Variants in REPS2 observed in about 807,000 individuals in gnomAD.
REPS2 encodes the protein RALBP1 associated Eps domain containing 2.
A neutral mutation model predicts 53.6 loss-of-function variants in REPS2; 23 were observed. That is an observed-to-expected ratio of 0.43 (90% CI 0.31 to 0.61). REPS2 has a LOEUF of 0.61. REPS2 is among the 20% of genes least tolerant of loss of function. REPS2 has a pLI of 0.11. For synonymous variants in REPS2, 238 were observed against 218.6 expected (o/e 1.09, Z -0.78); for missense variants, 446 against 534.9 (o/e 0.83, Z 1.64).
chrX:17,118,181 G>A (rs938516616), intron 14 of REPS2, among the ~76,000 whole-genome samples: 15 of 106,944 alleles, frequency 1.4e-4, no homozygotes, highest in Non-Finnish European at 2.5e-4. Flanking sequence ...GGATGGTCTC[G>A]ATCTCCTGAC....
intron 11 of REPS2, 140 bp downstream of exon 11, chrX:17,070,133 G>A (rs1055434868): frequency 1.9e-5 from 6 of 323,838 alleles, no homozygotes; most frequent in African/African-American, 1.6e-4. Flanking sequence ...TTTATTACAA[G>A]GAAACCTTTT....
chrX:17,110,344 A>T (rs1229597381), intron 14 of REPS2, among the ~76,000 whole-genome samples: 26 of 96,544 alleles, frequency 2.7e-4, no homozygotes, highest in Non-Finnish European at 4.6e-4. Context: ...TATCTACGTT[A>T]CACTTACCTA....
intron 1 of REPS2, among the ~76,000 whole-genome samples, chrX:17,005,420 A>G (rs373701216): frequency 8.9e-6 from 1 of 112,106 alleles, no homozygotes; most frequent in African/African-American, 3.2e-5. Context: ...CCAAACTTCA[A>G]CAATTACTAA....
Position 17,138,958 on chromosome X carries a change from C to G in REPS2, c.1911C>G (p.Leu637=), listed in dbSNP as rs1257904967. 8.6e-7 allele frequency: 1 copy of G among 1,168,822 alleles called. No homozygotes were observed. The highest frequency in any genetic ancestry group is 1.1e-6 in the Non-Finnish European group (1 of 871,094). Residue 637 remains leucine (L), a synonymous_variant, in exon 17 of 18, where the codon CTC becomes CTG. Transcript: ENST00000357277. The part of the protein sequence containing the change: ...ARLNSELQQQ[L]KEVHQERIAL... ...TGAACAGTGAGCTCCAGCAGCAGCT[C>G]AAGGTAAGGAATGAGTCCCAGATTT...
At chrX:17,104,482 C>T (rs1418364772) in intron 14 of REPS2, among the ~76,000 whole-genome samples, 1 of 111,582 alleles carries the variant, frequency 9.0e-6, no homozygotes, top group Non-Finnish European at 1.9e-5. Flanking sequence ...AAGACCCTTT[C>T]TGATTTTTGG....
At chrX:17,044,992 C>T (rs1479786985) in intron 5 of REPS2, among the ~76,000 whole-genome samples, 5 of 111,598 alleles carry the variant, frequency 4.5e-5, no homozygotes, top group African/African-American at 1.3e-4. Flanking sequence ...TGCAATGGCG[C>T]GATCTCGGCT....
intron 14 of REPS2, among the ~76,000 whole-genome samples, chrX:17,104,839 C>T (rs979198675): frequency 3.6e-5 from 4 of 111,714 alleles, no homozygotes; most frequent in African/African-American, 1.3e-4. Flanking sequence ...TATTGAGTCC[C>T]TGCTGTATAT....
chrX:17,046,534 C>A (rs999207108), intron 5 of REPS2, among the ~76,000 whole-genome samples: 2 of 111,604 alleles, frequency 1.8e-5, no homozygotes, highest in Non-Finnish European at 3.8e-5. Flanking sequence ...TTGGCAAGTA[C>A]CTCTTTAGTC....
At chrX:17,083,559 C>T (rs1399716734) in intron 13 of REPS2, among the ~76,000 whole-genome samples, 3 of 111,391 alleles carry the variant, frequency 2.7e-5, no homozygotes, top group South Asian at 3.8e-4. Context: ...TATTGAGTGG[C>T]GAATTGAGAA....
At position 17,149,070 on chromosome X, in the gene REPS2, T is replaced by C; in HGVS notation, c.*1589T>C. ...TTTTTTCCACAGAAAAACAAATTGT[T>C]GAATCTATTCCGTGCATATTTAAGG... On this transcript the variant is annotated 3_prime_UTR_variant, in exon 18 of 18. Coordinates refer to ENST00000357277, the MANE Select transcript of REPS2 (RefSeq NM_004726.3). 1 of 352,898 alleles carries C rather than the reference T, an allele frequency of 2.8e-6. No individual in the cohort carries two copies. The highest frequency in any genetic ancestry group is 5.5e-6 in the Non-Finnish European group (1 of 181,991). The allele number at this position is 352,898 out of a possible 1,213,427, so 29.1% of individuals were successfully genotyped here.
intron 2 of REPS2, among the ~76,000 whole-genome samples, chrX:17,020,437 T>C (rs762752382): frequency 9.0e-6 from 1 of 111,703 alleles, no homozygotes; most frequent in South Asian, 3.7e-4. Context: ...ACCAAAACCA[T>C]AGAGTTAGCT....
intron 1 of REPS2, among the ~76,000 whole-genome samples, chrX:16,998,711 G>T (rs1420896165): frequency 8.9e-6 from 1 of 111,754 alleles, no homozygotes; most frequent in African/African-American, 3.3e-5. Flanking sequence ...CAAGACACAC[G>T]TAGTACTAGC....
At chrX:17,099,948 G>A in intron 13 of REPS2, 1 of 1,147,932 alleles carries the variant, frequency 8.7e-7, no homozygotes, top group African/African-American at 1.8e-5. Context: ...GGAGTCTGTA[G>A]CTCCAATAAT....
intron 1 of REPS2, among the ~76,000 whole-genome samples, chrX:16,961,879 G>T (rs1040478545): frequency 2.7e-5 from 3 of 112,145 alleles, no homozygotes; most frequent in African/African-American, 9.7e-5. Context: ...TGGCCAGCAG[G>T]TTGTGAAAAG....
intron 1 of REPS2, among the ~76,000 whole-genome samples, chrX:16,972,316 G>A (rs893575367): frequency 8.9e-6 from 1 of 112,379 alleles, no homozygotes; most frequent in Non-Finnish European, 1.9e-5. Flanking sequence ...TTCTAAATGT[G>A]AGGAATTTTT....
At chrX:16,965,638 C>T (rs753368166) in intron 1 of REPS2, among the ~76,000 whole-genome samples, 2 of 112,149 alleles carry the variant, frequency 1.8e-5, no homozygotes, top group East Asian at 2.8e-4. Flanking sequence ...GGCGGCCGGG[C>T]AGAGACGCTC....
At chrX:17,022,371 C>A in intron 3 of REPS2, 100 bp downstream of exon 3, 1 of 805,817 alleles carries the variant, frequency 1.2e-6, no homozygotes, top group Non-Finnish European at 1.7e-6. Context: ...ATCTCACCAT[C>A]TGGAACCCAA....
chrX:17,169,515 A>C, the REPS2 span, among the ~76,000 whole-genome samples: 1 of 111,073 alleles, frequency 9.0e-6, no homozygotes, highest in African/African-American at 3.3e-5. Flanking sequence ...CCCCATCTCT[A>C]CAAAAAATGT....
intron 1 of REPS2, among the ~76,000 whole-genome samples, chrX:16,983,883 G>A (rs1055339503): frequency 8.9e-6 from 1 of 112,433 alleles, no homozygotes; most frequent in Non-Finnish European, 1.9e-5. Flanking sequence ...TATAAGTGGT[G>A]GGCCTAGAAT....
Sources: allele counts gnomAD v4.1 joint callset (sites outside exome capture counted in the v4.1 genomes callset), GRCh38; gene constraint gnomAD v4.1.1; transcripts MANE v1.5; gene names NCBI Gene and HGNC (gene_info 2026-07-23, HGNC 2026-07-21).